TNNI3K: variants seen among roughly 807,000 people sequenced by gnomAD.
TNNI3K encodes serine/threonine-protein kinase TNNI3K.
A neutral mutation model predicts 114.5 loss-of-function variants in TNNI3K; 140 were observed. The ratio of observed to expected loss-of-function variants is 1.22; its 90% CI spans 1.07 to 1.41. TNNI3K has a LOEUF of 1.41. Ranked by LOEUF, TNNI3K falls within the 40% of genes most tolerant of loss-of-function variation. The probability of loss-of-function intolerance (pLI) is 0.00; values close to 1 mark genes in which losing one functional copy is unlikely to be tolerated. For synonymous variants in TNNI3K, 347 were observed against 347.5 expected (o/e 1.00, Z 0.02); for missense variants, 1,125 against 1,007.6 (o/e 1.12, Z -1.58).
intron 5 of TNNI3K, among the ~76,000 whole-genome samples, chr1:74,294,591 T>G (rs368172110): frequency 1.3e-5 from 2 of 152,070 alleles, no homozygotes; most frequent in African/African-American, 4.8e-5. Context: ...GAAGGAAAAC[T>G]TAAATGTTTT....
At chr1:74,380,163 A>T (rs901793086) in intron 17 of TNNI3K, among the ~76,000 whole-genome samples, 2 of 152,046 alleles carry the variant, frequency 1.3e-5, no homozygotes, top group Non-Finnish European at 2.9e-5. Flanking sequence ...AAATTCCCCA[A>T]TCTCACATCT....
chr1:74,397,676 G>C (rs1664154576), intron 17 of TNNI3K, among the ~76,000 whole-genome samples: 2 of 152,190 alleles, frequency 1.3e-5, no homozygotes, highest in Admixed American at 6.5e-5. Flanking sequence ...ACTCACCTTA[G>C]AGCAAACCTT....
intron 11 of TNNI3K, among the ~76,000 whole-genome samples, chr1:74,362,735 G>T (rs973017395): frequency 2.6e-4 from 40 of 152,182 alleles, no homozygotes; most frequent in African/African-American, 9.6e-4. Flanking sequence ...TAAGAAAGTT[G>T]AAAGCAAAGA....
At chr1:74,384,767 A>T (rs1189915311) in intron 17 of TNNI3K, among the ~76,000 whole-genome samples, 3 of 152,108 alleles carry the variant, frequency 2.0e-5, no homozygotes, top group Non-Finnish European at 4.4e-5. Context: ...CGTTTCCTGA[A>T]CTTGTTAAAT....
chr1:74,383,610 G>T (rs1287966339), intron 17 of TNNI3K, among the ~76,000 whole-genome samples: 1 of 152,112 alleles, frequency 6.6e-6, no homozygotes, highest in Non-Finnish European at 1.5e-5. Context: ...ATGAACTTGA[G>T]AGTGTTCCCA....
At chr1:74,294,281 A>G (rs1440951740) in intron 5 of TNNI3K, among the ~76,000 whole-genome samples, 1 of 151,958 alleles carries the variant, frequency 6.6e-6, no homozygotes, top group Non-Finnish European at 1.5e-5. Flanking sequence ...TTCTTTGGAA[A>G]AGTTTGTGAA....
chr1:74,512,101 C>A (rs1021637114), intron 23 of TNNI3K, among the ~76,000 whole-genome samples: 2 of 152,170 alleles, frequency 1.3e-5, no homozygotes, highest in African/African-American at 4.8e-5. Flanking sequence ...ATGAAAAGAT[C>A]TGGATGGGAC....
At chr1:74,429,556 G>A (rs542775428) in intron 17 of TNNI3K, among the ~76,000 whole-genome samples, 2 of 152,258 alleles carry the variant, frequency 1.3e-5, no homozygotes, top group East Asian at 1.9e-4. Flanking sequence ...AGAGAAAAAT[G>A]TAGTTGCCTA....
intron 23 of TNNI3K, among the ~76,000 whole-genome samples, chr1:74,539,346 A>G (rs571613954): frequency 1.2e-4 from 19 of 152,296 alleles, no homozygotes; most frequent in African/African-American, 4.6e-4. Flanking sequence ...TTCTACAGTC[A>G]TGGTGAAGTT....
intron 17 of TNNI3K, among the ~76,000 whole-genome samples, chr1:74,392,931 T>G (rs1180980506): frequency 3.3e-5 from 5 of 152,204 alleles, no homozygotes; most frequent in Admixed American, 3.3e-4. Context: ...CATCTAGAGT[T>G]TCTGGGAACA....
At chr1:74,512,665 C>T (rs1445231359) in intron 23 of TNNI3K, 1 of 152,238 alleles carries the variant, frequency 6.6e-6, no homozygotes, top group Non-Finnish European at 1.5e-5. Flanking sequence ...CCCACACCAC[C>T]CCCTCCTGGC....
chr1:74,379,081 A>T (rs1380572552), intron 17 of TNNI3K, among the ~76,000 whole-genome samples: 1 of 152,062 alleles, frequency 6.6e-6, no homozygotes, highest in Non-Finnish European at 1.5e-5. Context: ...TTAATTTTGA[A>T]ATAACTCTTC....
rs558970693 is a variant in TNNI3K, at chr1:74,496,307, G to A, written c.2351+4041G>A. Among the ~76,000 whole-genome samples, 18 of 152,258 alleles carry A rather than the reference G, an allele frequency of 1.2e-4. No homozygotes were observed. The East Asian group carries it at 1.4e-3, about 11-fold the overall frequency. Reference sequence around the variant, plus strand: ...GGGGACCATTTTGATGACTTATTACGTGCATCATCCCTGCCAAAATTCCTT... The same window carrying A: ...GGGGACCATTTTGATGACTTATTACATGCATCATCCCTGCCAAAATTCCTT... On this transcript the variant is annotated intron_variant, in intron 23 of 24. Transcript: ENST00000326637.
intron 17 of TNNI3K, among the ~76,000 whole-genome samples, chr1:74,422,056 C>CA (rs949418715): frequency 1.3e-5 from 2 of 151,234 alleles, no homozygotes; most frequent in Non-Finnish European, 2.9e-5. Flanking sequence ...TAATAAAGGG[C>CA]ATTTTAAATT....
chr1:74,411,261 C>T (rs1664865298), intron 17 of TNNI3K, among the ~76,000 whole-genome samples: 1 of 152,112 alleles, frequency 6.6e-6, no homozygotes, highest in African/African-American at 2.4e-5. Context: ...ACAGGTAAGG[C>T]TCTATTTAAC....
intron 16 of TNNI3K, 111 bp downstream of exon 16, chr1:74,369,696 T>A (rs1662492355): frequency 8.1e-7 from 1 of 1,237,344 alleles, no homozygotes; most frequent in Non-Finnish European, 1.1e-6. Flanking sequence ...ATCTGAGTGC[T>A]GCTAGCAAGT....
intron 17 of TNNI3K, chr1:74,374,644 TC>T (rs1662806676): frequency 6.6e-6 from 1 of 152,020 alleles, no homozygotes; most frequent in Non-Finnish European, 1.5e-5. Flanking sequence ...CTTTATTTCT[TC>T]TTTCACACTC....
chr1:74,383,880 A>G (rs193223384), intron 17 of TNNI3K, among the ~76,000 whole-genome samples: 1 of 152,232 alleles, frequency 6.6e-6, no homozygotes, highest in East Asian at 1.9e-4. Context: ...ATGACAGAAA[A>G]AGGCTAAAAA....
chr1:74,401,236 A>G (rs192939736), intron 17 of TNNI3K, among the ~76,000 whole-genome samples: 3 of 152,314 alleles, frequency 2.0e-5, no homozygotes, highest in Admixed American at 2.0e-4. Context: ...CAAATGCCAT[A>G]TATGGTTGAT....
Sources: allele counts gnomAD v4.1 joint callset (sites outside exome capture counted in the v4.1 genomes callset), GRCh38; gene constraint gnomAD v4.1.1; transcripts MANE v1.5; gene names NCBI Gene and HGNC (gene_info 2026-07-23, HGNC 2026-07-21).